Variants in RFNG observed in about 807,000 individuals in gnomAD.
RFNG encodes beta-1,3-N-acetylglucosaminyltransferase radical fringe.
RFNG carries 37 observed loss-of-function variants against 29.6 expected under a neutral mutation model. That is an observed-to-expected ratio of 1.25 (90% CI 0.96 to 1.65). RFNG has a LOEUF of 1.65. Among genes scored for constraint, RFNG ranks in the 40% most tolerant of loss-of-function variants. The pLI is 0.00. For missense variants in RFNG, 546 were observed against 457.0 expected, an observed-to-expected ratio of 1.19 and a Z score of -1.78; for synonymous variants, 276 against 197.3, an observed-to-expected ratio of 1.40 and a Z score of -3.34.
chr17:82,048,836 C>A lies in RFNG; in HGVS notation c.915-29G>T, dbSNP rs778706831. The A allele has an allele frequency of 2.5e-6, 4 of 1,592,022 alleles. No individual in the cohort carries two copies. In the Admixed American group the frequency reaches 6.7e-5, roughly 27 times the overall value. ...GGGAAGGAAGAAGTAGGGGTCAGGG[C>A]CGTGGGCGGAGAGAGAAGCGGGGGC... On this transcript the variant is annotated intron_variant, in intron 7 of 7. Coordinates refer to ENST00000310496, the MANE Select transcript of RFNG (RefSeq NM_002917.2).
At chr17:82,050,576 G>C in intron 3 of RFNG, 21 bp from the exon 4 acceptor site, 8 of 1,608,876 alleles carry the variant, frequency 5.0e-6, no homozygotes, top group South Asian at 2.2e-5. Flanking sequence ...GGGGAGTCCT[G>C]GGCACGAGGG....
chr17:82,051,513 C>T lies in RFNG; in HGVS notation c.254G>A (p.Arg85Gln), dbSNP rs2030580101. 5.0e-6 allele frequency: 7 copies of T among 1,390,742 alleles called. No homozygotes were observed. Among genetic ancestry groups the T allele is most frequent in the South Asian group, 1.6e-5 (1 of 63,070 alleles). 86.2% of individuals were successfully genotyped at this position (1,390,742 alleles called of 1,614,324 possible). A position where few individuals can be genotyped will look rare whatever the true frequency, so the allele number is the denominator to read the frequency against. Residue 85 changes from arginine to glutamine, a missense_variant, in exon 1 of 8, where the codon CGG becomes CAG. Transcript: ENST00000310496. This position sits in a 1 kb window ranked among gnomAD's most constrained non-coding sequence, Gnocchi z 4.1. ...LRLLLRTWIS[R>Q]ARQQTFIFTD... is the part of the protein sequence containing the mutation. The stretch of plus-strand genomic sequence containing the variant: ...GGTCCGGCGCACCTGCTGGCGGGCC[C>T]GGGAGATCCAGGTGCGCAGCAGCAG...
Position 82,048,740 on chromosome 17 carries a change from G to A in RFNG, c.982C>T (p.Pro328Ser). The change falls in exon 8 of 8, where the codon CCG becomes TCG. Residue 328 changes from proline to serine, a missense_variant. Transcript: ENST00000310496. ...GGTGGTTGGTGTCACCGAGAGGTCG[G>A]GGCGCCCTGTTTCTGCCTGGGACAC... ...DWCPRQKQGA[P>S]TSR 2 of 1,613,014 alleles carry A rather than the reference G, an allele frequency of 1.2e-6. No individual in the cohort carries two copies. Among genetic ancestry groups the A allele is most frequent in the Admixed American group, 1.7e-5 (1 of 60,024 alleles).
In RFNG at chr17:82,051,343, C is replaced by A; in HGVS notation, c.268-1G>T. On this transcript the variant is annotated splice_acceptor_variant, in intron 1 of 7. Coordinates refer to ENST00000310496, the MANE Select transcript of RFNG (RefSeq NM_002917.2). LOFTEE classifies it high-confidence loss of function. The surrounding 1 kb of genome is among the most constrained non-coding windows in gnomAD (Gnocchi z 4.1). ...CGTCCCCGTCGGTGAAGATAAACGT[C>A]TGGGGGAGAAACAATCTATGAGGCT... The A allele has an allele frequency of 6.8e-7, 1 of 1,467,642 alleles. No individual in the cohort carries two copies. Among genetic ancestry groups the A allele is most frequent in the South Asian group, 1.5e-5 (1 of 64,848 alleles). 90.9% of individuals were successfully genotyped at this position (1,467,642 alleles called of 1,614,324 possible).
At position 82,051,610 on chromosome 17, in the gene RFNG, G is replaced by A. The variant is rs2030616638; in HGVS notation, c.157C>T (p.Pro53Ser). ...AAGACGTCGTCAGGCCGCAGGCTGG[G>A]GGCAGCGGGCCGGGACGGGGGCGCG... ...PRAPPSRPAA[P>S]SLRPDDVFIA... The change falls in exon 1 of 8, where the codon CCC (proline) becomes TCC (serine). Residue 53 changes from proline (P) to serine (S), a missense_variant. By Grantham distance (74) the Pro-to-Ser change is moderately conservative (BLOSUM62 -1). Transcript: ENST00000310496. This position sits in a 1 kb window ranked among gnomAD's most constrained non-coding sequence, Gnocchi z 4.1. 2 of 1,251,396 alleles carry A rather than the reference G, an allele frequency of 1.6e-6. No homozygotes were observed. The highest frequency in any genetic ancestry group is 1.0e-6 in the Non-Finnish European group (1 of 997,668). 77.5% of individuals were successfully genotyped at this position (1,251,396 alleles called of 1,614,324 possible).
In RFNG at chr17:82,051,305, T is replaced by G. The variant is rs1376480637; in HGVS notation, c.305A>C (p.Glu102Ala). The change falls in exon 2 of 8, where the codon GAG becomes GCG. Residue 102 changes from glutamate (E) to alanine (A), a missense_variant. By Grantham distance (107) the Glu-to-Ala change is moderately radical. Transcript: ENST00000310496. This position sits in a 1 kb window ranked among gnomAD's most constrained non-coding sequence, Gnocchi z 4.1. ...IFTDGDDPEL[E>A]LQGGDRVINT... ...TGGGGGACACTCACCGCCCTGGAGC[T>G]CGAGCTCAGGGTCGTCCCCGTCGGT... is the stretch of plus-strand genomic sequence containing the variant. 2 of 1,423,458 alleles carry G rather than the reference T, an allele frequency of 1.4e-6. No homozygotes were observed. The highest frequency in any genetic ancestry group is 1.8e-6 in the Non-Finnish European group (2 of 1,091,300). The allele number at this position is 1,423,458 out of a possible 1,614,324, so 88.2% of individuals were successfully genotyped here.
At position 82,048,722 on chromosome 17, in the gene RFNG, G is replaced by A. The variant is rs772339637; in HGVS notation, c.*4C>T. The A allele has an allele frequency of 4.3e-6, 7 of 1,611,354 alleles. No individual in the cohort carries two copies. In the African/African-American group the frequency reaches 8.0e-5, roughly 18 times the overall value. ...CAGGCAGCCCTGGGTCGGGGTGGTTGGTGTCACCGAGAGGTCGGGGCGCCC... is the reference window on the plus strand; with the variant it reads ...CAGGCAGCCCTGGGTCGGGGTGGTTAGTGTCACCGAGAGGTCGGGGCGCCC... On this transcript the variant is annotated 3_prime_UTR_variant, in exon 8 of 8. Transcript: ENST00000310496.
In RFNG at chr17:82,051,714, G is replaced by A. The variant is rs1214392814; in HGVS notation, c.53C>T (p.Ala18Val). ...LCRACLALAAALAALLLLPLP... is the reference protein window; with the variant it reads ...LCRACLALAAVLAALLLLPLP... ...CGGCAGTAACAGCAGCGCGGCCAGG[G>A]CCGCGGCCAGCGCGAGGCAGGCCCG... The change falls in exon 1 of 8, where the codon GCC (alanine) becomes GTC (valine). Residue 18 changes from alanine (A) to valine (V), a missense_variant. By Grantham distance (64) the Ala-to-Val change is moderately conservative (BLOSUM62 0). Transcript: ENST00000310496. This position sits in a 1 kb window ranked among gnomAD's most constrained non-coding sequence, Gnocchi z 4.1. 2 of 1,038,950 alleles carry A rather than the reference G, an allele frequency of 1.9e-6. No homozygotes were observed. The highest frequency in any genetic ancestry group is 2.3e-6 in the Non-Finnish European group (2 of 867,082). The allele number at this position is 1,038,950 out of a possible 1,614,324, so 64.4% of individuals were successfully genotyped here.
rs780808101 is a variant in RFNG, at chr17:82,048,707, T to G, written c.*19A>C. ...CGCCTGGGACAGAGCCAGGCAGCCC[T>G]GGGTCGGGGTGGTTGGTGTCACCGA... On this transcript the variant is annotated 3_prime_UTR_variant, in exon 8 of 8. Coordinates refer to ENST00000310496, the MANE Select transcript of RFNG (RefSeq NM_002917.2). 90 of 1,607,090 alleles carry G rather than the reference T, an allele frequency of 5.6e-5. No homozygotes were observed. The highest frequency in any genetic ancestry group is 7.4e-5 in the Non-Finnish European group (87 of 1,175,814).
rs939848210 is a variant in RFNG at position 82,048,336 on chromosome 17, T to C, written c.*390A>G. ...CAATGGCCGTGGCTGGGCCAGGACC[T>C]TGGCCTGGAGCCTGCTCCTTGACAC... On this transcript the variant is annotated 3_prime_UTR_variant, in exon 8 of 8. Coordinates refer to ENST00000310496, the MANE Select transcript of RFNG (RefSeq NM_002917.2). 1 of 262,282 alleles carries C rather than the reference T, an allele frequency of 3.8e-6. No individual in the cohort carries two copies. Among genetic ancestry groups the C allele is most frequent in the Non-Finnish European group, 7.5e-6 (1 of 132,478 alleles). 16.2% of individuals were successfully genotyped at this position (262,282 alleles called of 1,614,324 possible).
Position 82,049,841 on chromosome 17 carries a change from G to A in RFNG, c.664C>T (p.Leu222=), listed in dbSNP as rs2030169678. 17 of 1,603,090 alleles carry A rather than the reference G, an allele frequency of 1.1e-5. No homozygotes were observed. The highest frequency in any genetic ancestry group is 1.4e-5 in the Non-Finnish European group (17 of 1,174,896). Residue 222 remains leucine (L), a splice_region_variant and synonymous_variant, in exon 6 of 8, where the codon CTG becomes TTG. Transcript: ENST00000310496. The part of the protein sequence containing the change: ...LALKMSPWAS[L]GSFMSTAEQV... ...TCAGCTGTGCTCATGAAGCTGCCCAGGCTGGGGGGAGGCCGGTCAGCACCT... is the reference window on the plus strand; with the variant it reads ...TCAGCTGTGCTCATGAAGCTGCCCAAGCTGGGGGGAGGCCGGTCAGCACCT...
At chr17:82,048,914 A>C (rs894506960) in intron 7 of RFNG, 107 bp from the exon 8 acceptor site, 4 of 1,421,054 alleles carry the variant, frequency 2.8e-6, no homozygotes, top group African/African-American at 1.4e-5. Flanking sequence ...GTACAGGGAG[A>C]AGCCGGGGTC....
rs1298735833 is a variant in RFNG at position 82,050,669 on chromosome 17, C to T, written c.412G>A (p.Gly138Arg). The T allele has an allele frequency of 3.7e-6, 6 of 1,613,112 alleles. No homozygotes were observed. The highest frequency in any genetic ancestry group is 5.1e-6 in the Non-Finnish European group (6 of 1,179,896). Residue 138 changes from glycine (G) to arginine (R), a missense_variant, in exon 3 of 8, where the codon GGG (glycine) becomes AGG (arginine). Gly to Arg is a moderately radical substitution (Grantham distance 125, BLOSUM62 -2). Transcript: ENST00000310496. ...SVEYDKFIES[G>R]RKWFCHVDDD... is the part of the protein sequence containing the mutation. Reference sequence around the variant, plus strand: ...CGGGTCAGCGCCGCGTACTTGCGCCCGGACTCAATGAACTTGTCATACTCC... The same window carrying T: ...CGGGTCAGCGCCGCGTACTTGCGCCTGGACTCAATGAACTTGTCATACTCC...
rs2030072246 is a variant in RFNG, at chr17:82,048,698, A to C, written c.*28T>G. The C allele has an allele frequency of 6.3e-7, 1 of 1,596,356 alleles. No individual in the cohort carries two copies. Among genetic ancestry groups the C allele is most frequent in the Non-Finnish European group, 8.6e-7 (1 of 1,166,572 alleles). On this transcript the variant is annotated 3_prime_UTR_variant, in exon 8 of 8. Coordinates refer to ENST00000310496, the MANE Select transcript of RFNG (RefSeq NM_002917.2). ...GGTTCCCCGCGCCTGGGACAGAGCC[A>C]GGCAGCCCTGGGTCGGGGTGGTTGG...
chr17:82,051,675 C>A lies in RFNG; in HGVS notation c.92G>T (p.Arg31Leu). The A allele has an allele frequency of 1.0e-6, 1 of 998,046 alleles. No homozygotes were observed. The highest frequency in any genetic ancestry group is 1.2e-6 in the Non-Finnish European group (1 of 839,940). The allele number at this position is 998,046 out of a possible 1,614,324, so 61.8% of individuals were successfully genotyped here. The change falls in exon 1 of 8, where the codon CGC becomes CTC. Residue 31 changes from arginine to leucine, a missense_variant. Coordinates refer to ENST00000310496, the MANE Select transcript of RFNG (RefSeq NM_002917.2). This position sits in a 1 kb window ranked among gnomAD's most constrained non-coding sequence, Gnocchi z 4.1. ...GGGGGTCCGGGCCGGGGCGGGCGCG[C>A]GGGGCAGCGGCAGCGGCAGTAACAG... Reference protein sequence around the residue: ...ALLLLPLPLPRAPAPARTPAP... With the variant: ...ALLLLPLPLPLAPAPARTPAP...
rs759848925 is a variant in RFNG, at chr17:82,051,325, G to A, written c.285C>T (p.Asp95=). The A allele has an allele frequency of 2.8e-5, 41 of 1,451,448 alleles. No homozygotes were observed. Among genetic ancestry groups the A allele is most frequent in the Admixed American group, 6.1e-5 (2 of 32,766 alleles). 89.9% of individuals were successfully genotyped at this position (1,451,448 alleles called of 1,614,324 possible). A position where few individuals can be genotyped will look rare whatever the true frequency, so the allele number is the denominator to read the frequency against. Reference sequence around the variant, plus strand: ...GGAGCTCGAGCTCAGGGTCGTCCCCGTCGGTGAAGATAAACGTCTGGGGGA... The same window carrying A: ...GGAGCTCGAGCTCAGGGTCGTCCCCATCGGTGAAGATAAACGTCTGGGGGA... ...RARQQTFIFT[D]GDDPELELQG... is the part of the protein sequence containing the mutation. Residue 95 remains aspartate, a synonymous_variant, in exon 2 of 8, where the codon GAC becomes GAT. Transcript: ENST00000310496. The surrounding 1 kb of genome is among the most constrained non-coding windows in gnomAD (Gnocchi z 4.1).
chr17:82,051,456 C>A lies in RFNG; in HGVS notation c.267+44G>T. The A allele has an allele frequency of 1.5e-6, 2 of 1,327,982 alleles. No individual in the cohort carries two copies. Among genetic ancestry groups the A allele is most frequent in the South Asian group, 2.2e-5 (1 of 46,216 alleles). 82.3% of individuals were successfully genotyped at this position (1,327,982 alleles called of 1,614,324 possible). On this transcript the variant is annotated intron_variant, in intron 1 of 7. Coordinates refer to ENST00000310496, the MANE Select transcript of RFNG (RefSeq NM_002917.2). The surrounding 1 kb of genome is among the most constrained non-coding windows in gnomAD (Gnocchi z 4.1). ...CGGGCCTAGACCCTGGGAGGCGGGG[C>A]GGGTGGGCGTGGGGCTCGCCGTCGG...
chr17:82,048,916 G>A, intron 7 of RFNG, 109 bp from the exon 8 acceptor site: 1 of 1,423,414 alleles, frequency 7.0e-7, no homozygotes, highest in Non-Finnish European at 9.8e-7. Flanking sequence ...ACAGGGAGAA[G>A]CCGGGGTCAG....
Position 82,050,722 on chromosome 17 carries a change from C to G in RFNG, c.359G>C (p.Arg120Pro). 1 of 1,613,220 alleles carries G rather than the reference C, an allele frequency of 6.2e-7. No individual in the cohort carries two copies. The highest frequency in any genetic ancestry group is 1.6e-4 in the Middle Eastern group (1 of 6,062). The change falls in exon 3 of 8, where the codon CGT becomes CCT. Residue 120 changes from arginine (R) to proline (P), a missense_variant. Physicochemically the swap from Arg to Pro is moderately radical, Grantham distance 103. Transcript: ENST00000310496. ...INTNCSAVRTRQALCCKMSVE... is the reference protein window; with the variant it reads ...INTNCSAVRTPQALCCKMSVE... ...GGACATCTTGCAGCAGAGGGCCTGA[C>G]GAGTGCGCACCGCCGAGCAGTTGGT...
Sources: allele counts gnomAD v4.1 joint callset, GRCh38; gene constraint gnomAD v4.1.1; non-coding constraint Gnocchi (gnomAD v3.1); transcripts MANE v1.5; gene names NCBI Gene and HGNC (gene_info 2026-07-23, HGNC 2026-07-21).